CADPS2: variants seen among roughly 807,000 people sequenced by gnomAD.
The protein encoded by CADPS2 is calcium-dependent secretion activator 2.
Under a neutral mutation model 172.5 loss-of-function variants are expected in CADPS2, and 93 were observed. That is an observed-to-expected ratio of 0.54 (90% CI 0.46 to 0.64). CADPS2 has a LOEUF of 0.64. CADPS2 is among the 30% of genes least tolerant of loss of function. The pLI, the probability that CADPS2 is intolerant of heterozygous loss-of-function variation, is 0.00. For synonymous variants in CADPS2, 546 were observed against 555.2 expected (o/e 0.98, Z 0.23); for missense variants, 1,420 against 1,565.9 (o/e 0.91, Z 1.57).
chr7:122,645,964 A>G (rs1032101216), intron 3 of CADPS2, among the ~76,000 whole-genome samples: 3 of 151,798 alleles, frequency 2.0e-5, no homozygotes, highest in East Asian at 3.9e-4. Flanking sequence ...AACTATACTT[A>G]TCTCAATAAA....
At chr7:122,877,244 A>C (rs981165272) in intron 1 of CADPS2, among the ~76,000 whole-genome samples, 6 of 152,190 alleles carry the variant, frequency 3.9e-5, no homozygotes, top group African/African-American at 1.4e-4. Flanking sequence ...TATTTTCTTA[A>C]TGTAATTTTT....
chr7:122,756,043 GAT>G (rs2093146286), intron 1 of CADPS2, among the ~76,000 whole-genome samples: 1 of 152,200 alleles, frequency 6.6e-6, no homozygotes, highest in Non-Finnish European at 1.5e-5. Flanking sequence ...GCACACTGAT[GAT>G]ACAGAAAAGA....
intron 1 of CADPS2, among the ~76,000 whole-genome samples, chr7:122,855,113 G>A (rs1018222580): frequency 6.6e-6 from 1 of 152,176 alleles, no homozygotes; most frequent in African/African-American, 2.4e-5. Context: ...TAGTCAGGGT[G>A]GGAGAAGAAC....
chr7:122,523,173 G>C (rs2060946359), intron 8 of CADPS2, among the ~76,000 whole-genome samples: 1 of 151,904 alleles, frequency 6.6e-6, no homozygotes, highest in South Asian at 2.1e-4. Flanking sequence ...GGCTGTACTA[G>C]TTTACATTCC....
intron 2 of CADPS2, among the ~76,000 whole-genome samples, chr7:122,723,202 C>A (rs1275992576): frequency 6.6e-6 from 1 of 152,100 alleles, no homozygotes; most frequent in Non-Finnish European, 1.5e-5. Flanking sequence ...AACTAAAGAG[C>A]TTCTGCACAG....
At chr7:122,606,734 TG>T (rs1369629744) in intron 6 of CADPS2, among the ~76,000 whole-genome samples, 7 of 152,124 alleles carry the variant, frequency 4.6e-5, no homozygotes, top group Admixed American at 2.0e-4. Context: ...CTATTGTGGC[TG>T]GTGCTAATGG....
chr7:122,375,620 A>C (rs2042248895), intron 25 of CADPS2, among the ~76,000 whole-genome samples: 1 of 152,126 alleles, frequency 6.6e-6, no homozygotes, highest in Non-Finnish European at 1.5e-5. Context: ...CATCAAGTAA[A>C]AATGGATTAA....
chr7:122,729,380 A>C (rs534755977), intron 2 of CADPS2, among the ~76,000 whole-genome samples: 4 of 151,832 alleles, frequency 2.6e-5, no homozygotes, highest in African/African-American at 9.7e-5. Flanking sequence ...TTGGATAAAT[A>C]CCAAGTAATG....
At chr7:122,754,446 A>G (rs1201739675) in intron 1 of CADPS2, among the ~76,000 whole-genome samples, 1 of 152,126 alleles carries the variant, frequency 6.6e-6, no homozygotes, top group African/African-American at 2.4e-5. Context: ...AGAATATGTA[A>G]TTTTGAAACT....
In CADPS2 at chr7:122,642,701, C is replaced by T. The variant is rs73435763; in HGVS notation, c.787-13373G>A. On this transcript the variant is annotated intron_variant, in intron 3 of 29. Transcript: ENST00000449022. ...TCACAGTACTGTTTAGCATCATTGC[C>T]CTCTCTAATATATCTGTTCTCTAGA... is the stretch of plus-strand genomic sequence containing the variant. 2.5e-3 allele frequency among the ~76,000 whole-genome samples: 377 copies of T among 151,948 alleles called. 2 individuals are homozygous for T. Among genetic ancestry groups the T allele is most frequent in the African/African-American group, 8.6e-3 (355 of 41,434 alleles).
At chr7:122,393,343 G>T (rs1482447738) in intron 21 of CADPS2, 28 bp from the exon 22 acceptor site, 7 of 1,613,670 alleles carry the variant, frequency 4.3e-6, no homozygotes, top group Non-Finnish European at 5.9e-6. Flanking sequence ...ACGTGGGAAG[G>T]GACCACCATA....
At chr7:122,545,990 G>T (rs1015675263) in intron 8 of CADPS2, among the ~76,000 whole-genome samples, 3 of 151,976 alleles carry the variant, frequency 2.0e-5, no homozygotes, top group African/African-American at 7.2e-5. Flanking sequence ...GTAACAAGCC[G>T]ATCTTTTTTT....
chr7:122,678,966 G>A (rs777899250), intron 2 of CADPS2, among the ~76,000 whole-genome samples: 42 of 151,936 alleles, frequency 2.8e-4, no homozygotes, highest in Non-Finnish European at 5.4e-4. Context: ...TCTTAATCCC[G>A]TCATCTTCGT....
At chr7:122,530,846 G>T (rs2061693892) in intron 8 of CADPS2, among the ~76,000 whole-genome samples, 1 of 152,136 alleles carries the variant, frequency 6.6e-6, no homozygotes, top group Non-Finnish European at 1.5e-5. Flanking sequence ...GGAGGAGATG[G>T]TCTTGATCTC....
intron 16 of CADPS2, among the ~76,000 whole-genome samples, chr7:122,439,711 A>C (rs1333442534): frequency 6.6e-6 from 1 of 152,206 alleles, no homozygotes; most frequent in African/African-American, 2.4e-5. Flanking sequence ...TTAGCACTTT[A>C]ATTAGCACTG....
chr7:122,699,349 A>ATACAATG (rs1219289889), intron 2 of CADPS2, among the ~76,000 whole-genome samples: 2 of 152,196 alleles, frequency 1.3e-5, no homozygotes, highest in African/African-American at 2.4e-5. Context: ...TCTAAAATTC[A>ATACAATG]TACAATGTGT....
chr7:122,642,279 CAAAA>C (rs11370822), intron 3 of CADPS2, among the ~76,000 whole-genome samples: 2 of 124,842 alleles, frequency 1.6e-5, no homozygotes, highest in Non-Finnish European at 1.7e-5. Context: ...GACTCCATCT[CAAAA>C]AAAAAAAAAA....
At chr7:122,438,283 C>A in intron 17 of CADPS2, 58 bp downstream of exon 17, 1 of 1,602,566 alleles carries the variant, frequency 6.2e-7, no homozygotes, top group Admixed American at 1.7e-5. Flanking sequence ...ATAGAAAATT[C>A]AGTTACTAGG....
At chr7:122,824,521 G>T (rs1374978678) in intron 1 of CADPS2, among the ~76,000 whole-genome samples, 1 of 151,882 alleles carries the variant, frequency 6.6e-6, no homozygotes, top group Non-Finnish European at 1.5e-5. Context: ...TATGATAAAG[G>T]GCCATTTGTA....
Sources: allele counts gnomAD v4.1 joint callset (sites outside exome capture counted in the v4.1 genomes callset), GRCh38; gene constraint gnomAD v4.1.1; transcripts MANE v1.5; gene names NCBI Gene and HGNC (gene_info 2026-07-23, HGNC 2026-07-21).